The following NREP variants were observed in gnomAD, a reference collection of about 807,000 sequenced individuals.
The protein encoded by NREP is neuronal regeneration related protein, also known as neuronal regeneration-related protein.
A neutral mutation model predicts 8.6 loss-of-function variants in NREP; 5 were observed. The ratio of observed to expected loss-of-function variants is 0.58; its 90% CI spans 0.30 to 1.22. The LOEUF (loss-of-function observed/expected upper bound fraction) is 1.22, where lower values mean the gene tolerates loss of function less well. Among genes scored for constraint, NREP ranks in the 50% most tolerant of loss-of-function variants. The pLI is 0.07. For missense variants in NREP, 86 were observed against 82.5 expected (o/e 1.04, Z -0.17); for synonymous variants, 27 against 28.0 (o/e 0.96, Z 0.11).
rs1398765228 is a variant in NREP at position 111,884,345 on chromosome 5, C to G, written c.135+90929G>C. ...TGGCAATAATCAATAGTTTACCAAC[C>G]AAAAAGAGTCCAGGACCAGATGGAT... On this transcript the variant is annotated intron_variant, in intron 2 of 3. Coordinates refer to the NREP transcript ENST00000395634. Among the ~76,000 whole-genome samples, 7 of 151,726 alleles carry G rather than the reference C, an allele frequency of 4.6e-5. No homozygotes were observed. In the South Asian group the frequency reaches 1.3e-3, roughly 27 times the overall value.
chr5:111,767,227 T>G (rs962002394), intron 2 of NREP, among the ~76,000 whole-genome samples: 1 of 152,200 alleles, frequency 6.6e-6, no homozygotes, highest in African/African-American at 2.4e-5. Flanking sequence ...AAGTTTATAT[T>G]TATGTTTTAA....
At chr5:111,755,359 T>C (rs1750632080) in intron 2 of NREP, 1 of 190,744 alleles carries the variant, frequency 5.2e-6, no homozygotes, top group East Asian at 1.1e-4. Context: ...CAGTAGCTGT[T>C]TGATCAGCTG....
chr5:111,943,418 G>T (rs58377570), intron 2 of NREP, among the ~76,000 whole-genome samples: 2 of 151,784 alleles, frequency 1.3e-5, no homozygotes, highest in Non-Finnish European at 2.9e-5. Context: ...CATTTCCCTG[G>T]GTGGTGAAGA....
intron 2 of NREP, among the ~76,000 whole-genome samples, chr5:111,789,233 T>C (rs1024017557): frequency 3.3e-5 from 5 of 152,354 alleles, no homozygotes; most frequent in East Asian, 1.9e-4. Flanking sequence ...GGAAGCATCA[T>C]ACACATACCC....
At chr5:111,821,693 T>C (rs1180259859) in intron 2 of NREP, among the ~76,000 whole-genome samples, 1 of 152,150 alleles carries the variant, frequency 6.6e-6, no homozygotes, top group Non-Finnish European at 1.5e-5. Flanking sequence ...AGAGCAGAGA[T>C]GTGTGTTGAG....
intron 2 of NREP, among the ~76,000 whole-genome samples, chr5:111,836,356 G>A (rs1752893541): frequency 6.6e-6 from 1 of 151,996 alleles, no homozygotes; most frequent in Admixed American, 6.6e-5. Context: ...TACAGAGAGG[G>A]GTGTGGGTGA....
chr5:111,776,693 T>G (rs536750779), intron 2 of NREP, among the ~76,000 whole-genome samples: 1 of 152,148 alleles, frequency 6.6e-6, no homozygotes, highest in African/African-American at 2.4e-5. Context: ...CTCTGACATG[T>G]TGAAGGAAAG....
At chr5:111,846,122 A>T (rs1753157332) in intron 2 of NREP, 1 of 154,774 alleles carries the variant, frequency 6.5e-6, no homozygotes, top group Admixed American at 6.5e-5. Flanking sequence ...CTCTTAAAAA[A>T]TTACACTTAA....
chr5:111,864,494 G>A (rs1753622042), intron 2 of NREP, among the ~76,000 whole-genome samples: 1 of 152,024 alleles, frequency 6.6e-6, no homozygotes, highest in Non-Finnish European at 1.5e-5. Flanking sequence ...TAATCTTTTT[G>A]TATATAATGG....
intron 2 of NREP, among the ~76,000 whole-genome samples, chr5:111,778,244 T>C (rs1272265231): frequency 6.6e-6 from 1 of 152,162 alleles, no homozygotes; most frequent in Admixed American, 6.6e-5. Flanking sequence ...TTTGTAATAA[T>C]GCAGATAACA....
At chr5:111,899,069 G>A (rs989149132) in intron 2 of NREP, among the ~76,000 whole-genome samples, 4 of 152,106 alleles carry the variant, frequency 2.6e-5, no homozygotes, top group African/African-American at 9.7e-5. Flanking sequence ...CACTAGACCA[G>A]CACAACAAGA....
intron 2 of NREP, among the ~76,000 whole-genome samples, chr5:111,879,186 T>G (rs921997772): frequency 3.3e-5 from 5 of 152,240 alleles, no homozygotes; most frequent in Non-Finnish European, 5.9e-5. Flanking sequence ...GGCTCCCCCC[T>G]TTTGCCTACT....
intron 2 of NREP, among the ~76,000 whole-genome samples, chr5:111,847,384 G>A (rs764739591): frequency 2.6e-5 from 4 of 151,944 alleles, no homozygotes; most frequent in African/African-American, 7.3e-5. Flanking sequence ...TAACCCTCAC[G>A]GCCCAATCTA....
At position 111,802,157 on chromosome 5, in the gene NREP, T is replaced by C. The variant is rs1358324782; in HGVS notation, c.136-66650A>G. Reference sequence around the variant, plus strand: ...ACAGACGGTTAGGAGAAGACTGTGCTGTTCAGAGTGATCAGAAAGGGCTTA... The same window carrying C: ...ACAGACGGTTAGGAGAAGACTGTGCCGTTCAGAGTGATCAGAAAGGGCTTA... On this transcript the variant is annotated intron_variant, in intron 2 of 3. Coordinates refer to the NREP transcript ENST00000395634. Among the ~76,000 whole-genome samples, 7 of 152,320 alleles carry C rather than the reference T, an allele frequency of 4.6e-5. No individual in the cohort carries two copies. In the East Asian group the frequency reaches 1.3e-3, roughly 29 times the overall value.
At chr5:111,851,287 T>G (rs1024393139) in intron 2 of NREP, among the ~76,000 whole-genome samples, 2 of 152,208 alleles carry the variant, frequency 1.3e-5, no homozygotes, top group African/African-American at 4.8e-5. Context: ...GCCACTTACT[T>G]AAATCCTGCT....
At chr5:111,783,136 T>C (rs181599554) in intron 2 of NREP, among the ~76,000 whole-genome samples, 2 of 152,266 alleles carry the variant, frequency 1.3e-5, no homozygotes, top group East Asian at 3.9e-4. Context: ...CTCCAGACTA[T>C]AGGTGACACT....
chr5:111,840,885 G>T (rs1753014035), intron 2 of NREP, among the ~76,000 whole-genome samples: 1 of 152,040 alleles, frequency 6.6e-6, no homozygotes, highest in Non-Finnish European at 1.5e-5. Flanking sequence ...TTTGCGCAAG[G>T]GTGTGAAAGA....
intron 2 of NREP, among the ~76,000 whole-genome samples, chr5:111,741,395 C>A (rs1749648057): frequency 6.6e-6 from 1 of 152,098 alleles, no homozygotes; most frequent in Admixed American, 6.6e-5. Flanking sequence ...CTGCAAAAAC[C>A]CTTTGAGGTG....
At chr5:111,936,985 T>G (rs1432230768) in intron 2 of NREP, among the ~76,000 whole-genome samples, 1 of 152,050 alleles carries the variant, frequency 6.6e-6, no homozygotes, top group Non-Finnish European at 1.5e-5. Context: ...CAGAGAAGCA[T>G]TTCTCCTTCA....
Sources: gnomAD v4.1 joint callset for allele counts (sites outside exome capture counted in the v4.1 genomes callset) on GRCh38, gnomAD v4.1.1 for gene constraint, MANE v1.5 for transcripts, NCBI Gene and HGNC (gene_info 2026-07-23, HGNC 2026-07-21) for gene names.